Variants in KIF11 observed in about 807,000 individuals in gnomAD.
KIF11 encodes kinesin-like protein KIF11.
In KIF11, 9 loss-of-function variants were observed where a neutral mutation model predicts 121.0. The observed-to-expected ratio is 0.07, with a 90% CI of 0.04 to 0.13. The LOEUF (loss-of-function observed/expected upper bound fraction) is 0.13. Among genes scored for constraint, KIF11 ranks in the 10% least tolerant of loss-of-function variants. The probability of loss-of-function intolerance (pLI) is 1.00; values close to 1 mark genes in which losing one functional copy is unlikely to be tolerated. For synonymous variants in KIF11, 408 were observed against 421.0 expected, an observed-to-expected ratio of 0.97 and a Z score of 0.38; for missense variants, 846 against 1,217.5, an observed-to-expected ratio of 0.69 and a Z score of 4.54.
In KIF11 at chr10:92,643,870, T is replaced by G. The variant is rs1229126598; in HGVS notation, c.2268-1493T>G. Among the ~76,000 whole-genome samples the G allele has an allele frequency of 3.9e-5, 6 of 152,200 alleles. No homozygotes were observed. In the East Asian group the frequency reaches 1.2e-3, roughly 29 times the overall value. Reference sequence around the variant, plus strand: ...CTGTTGAACAGTGCTGTTCTGGAACTCTAGCTATCATTTATATATCCCTAC... The same window carrying G: ...CTGTTGAACAGTGCTGTTCTGGAACGCTAGCTATCATTTATATATCCCTAC... On this transcript the variant is annotated intron_variant, in intron 17 of 21. Coordinates refer to ENST00000260731, the MANE Select transcript of KIF11 (RefSeq NM_004523.4).
chr10:92,609,328 G>C (rs1327897930), intron 5 of KIF11, 57 bp from the exon 6 acceptor site: 2 of 1,569,148 alleles, frequency 1.3e-6, no homozygotes, highest in Admixed American at 3.5e-5. Flanking sequence ...GTGTGTGTGT[G>C]TGTGTGTGTG....
chr10:92,613,172 C>T lies in KIF11; in HGVS notation c.789+42C>T, dbSNP rs2135904936. ...ATACTACTGTTTCACTCTTAAACAC[C>T]TTATAGAGCAGCTTGAAATTTTGTC... is the stretch of plus-strand genomic sequence containing the variant. On this transcript the variant is annotated intron_variant, in intron 7 of 21. Coordinates refer to ENST00000260731, the MANE Select transcript of KIF11 (RefSeq NM_004523.4). This position sits in a 1 kb window ranked among gnomAD's most constrained non-coding sequence, Gnocchi z 4.2. 1.4e-6 allele frequency: 2 copies of T among 1,439,268 alleles called. No homozygotes were observed. The highest frequency in any genetic ancestry group is 1.9e-6 in the Non-Finnish European group (2 of 1,039,546). 89.2% of individuals were successfully genotyped at this position (1,439,268 alleles called of 1,614,324 possible). A position where few individuals can be genotyped will look rare whatever the true frequency, so the allele number is the denominator to read the frequency against.
At chr10:92,649,336 C>A (rs1844956059) in intron 19 of KIF11, among the ~76,000 whole-genome samples, 1 of 152,080 alleles carries the variant, frequency 6.6e-6, no homozygotes, top group Admixed American at 6.6e-5. Flanking sequence ...TGCGGTGGCT[C>A]ACACCTATAA....
chr10:92,646,611 G>A (rs1276404805), intron 18 of KIF11, among the ~76,000 whole-genome samples: 1 of 152,144 alleles, frequency 6.6e-6, no homozygotes, highest in Non-Finnish European at 1.5e-5. Flanking sequence ...AAAGATTTCT[G>A]AGGTTGTCAA....
At chr10:92,616,349 T>C (rs1457569006) in intron 8 of KIF11, among the ~76,000 whole-genome samples, 1 of 151,900 alleles carries the variant, frequency 6.6e-6, no homozygotes, top group Non-Finnish European at 1.5e-5. Flanking sequence ...AGGCACATAC[T>C]ACTATGCCCA....
intron 21 of KIF11, among the ~76,000 whole-genome samples, chr10:92,651,885 A>T (rs1844990262): frequency 6.6e-6 from 1 of 151,528 alleles, no homozygotes; most frequent in Non-Finnish European, 1.5e-5. Flanking sequence ...TGTGTGAAGG[A>T]AAAATTTCCT....
intron 10 of KIF11, 106 bp downstream of exon 10, chr10:92,621,579 C>G (rs1238993727): frequency 6.7e-6 from 4 of 600,218 alleles, no homozygotes; most frequent in Non-Finnish European, 8.5e-6. Context: ...ATATCCAGTG[C>G]CGATAAATAC....
chr10:92,603,517 A>G (rs1046277705), intron 1 of KIF11, among the ~76,000 whole-genome samples: 1 of 151,796 alleles, frequency 6.6e-6, no homozygotes, highest in Non-Finnish European at 1.5e-5. Flanking sequence ...TTTCTGGCTA[A>G]TTTTTGTATT....
intron 16 of KIF11, among the ~76,000 whole-genome samples, chr10:92,639,011 G>A (rs548092279): frequency 1.2e-4 from 19 of 152,268 alleles, no homozygotes; most frequent in Non-Finnish European, 2.6e-4. Context: ...TAAAATATGA[G>A]CAAAGATAAG....
At chr10:92,637,993 A>G (rs562054062) in intron 16 of KIF11, among the ~76,000 whole-genome samples, 8 of 152,286 alleles carry the variant, frequency 5.3e-5, no homozygotes, top group African/African-American at 1.9e-4. Flanking sequence ...AATCGATACA[A>G]CTTTTAATTC....
intron 14 of KIF11, among the ~76,000 whole-genome samples, chr10:92,634,465 T>A (rs1183695849): frequency 2.0e-5 from 3 of 149,956 alleles, no homozygotes; most frequent in African/African-American, 7.4e-5. Flanking sequence ...GTAGAGATGG[T>A]GTTTTACCAT....
At chr10:92,601,600 C>T (rs145713837) in intron 1 of KIF11, among the ~76,000 whole-genome samples, 86 of 136,444 alleles carry the variant, frequency 6.3e-4, no homozygotes, top group African/African-American at 2.1e-3. Flanking sequence ...GCATCCTTGT[C>T]TTGCTCCTGT....
rs1241204294 is a variant in KIF11, at chr10:92,651,983, T to TA, written c.3039+1469dup. Among the ~76,000 whole-genome samples the TA allele has an allele frequency of 1.1e-4, 13 of 117,160 alleles. No individual in the cohort carries two copies. The East Asian group carries it at 1.4e-3, about 13-fold the overall frequency. The allele number at this position is 117,160 out of a possible 152,430, so 76.9% of individuals were successfully genotyped here. On this transcript the variant is annotated intron_variant, in intron 21 of 21. Coordinates refer to ENST00000260731, the MANE Select transcript of KIF11 (RefSeq NM_004523.4). ...TACCTTTTTTTTTTTTTTTTTTTTT[T>TA]AAATATATATAGAGAGAGGGTCTTG...
intron 18 of KIF11, 145 bp downstream of exon 18, chr10:92,645,787 AGAT>A (rs1844912049): frequency 3.2e-6 from 2 of 621,714 alleles, no homozygotes; most frequent in African/African-American, 3.7e-5. Flanking sequence ...GTATGCTTAC[AGAT>A]GATCTCGTTT....
In KIF11 at chr10:92,601,446, C is replaced by T. The variant is rs1021273195; in HGVS notation, c.78-4819C>T. Among the ~76,000 whole-genome samples the T allele has an allele frequency of 4.0e-5, 6 of 150,374 alleles. No individual in the cohort carries two copies. In the South Asian group the frequency reaches 8.5e-4, roughly 21 times the overall value. ...GGCTGGTCTCGATCTCCTGACCTCG[C>T]GATCCGCCTGCCTCAGCCTTCCAAA... On this transcript the variant is annotated intron_variant, in intron 1 of 21. Coordinates refer to ENST00000260731, the MANE Select transcript of KIF11 (RefSeq NM_004523.4).
Position 92,606,606 on chromosome 10 carries a change from T to A in KIF11, c.211-13T>A. On this transcript the variant is annotated splice_polypyrimidine_tract_variant and intron_variant, in intron 2 of 21. Coordinates refer to ENST00000260731, the MANE Select transcript of KIF11 (RefSeq NM_004523.4). ...TTGAGGTTGATTTTTTTTTTTTTAA[T>A]TTTTTTCGTTAGGTGTTTGGAGCAT... 1.4e-6 allele frequency: 2 copies of A among 1,430,696 alleles called. No homozygotes were observed. The highest frequency in any genetic ancestry group is 2.2e-5 in the Admixed American group (1 of 45,106). 88.6% of individuals were successfully genotyped at this position (1,430,696 alleles called of 1,614,324 possible).
intron 9 of KIF11, among the ~76,000 whole-genome samples, chr10:92,618,546 T>G (rs1844583977): frequency 6.7e-6 from 1 of 149,296 alleles, no homozygotes; most frequent in Non-Finnish European, 1.5e-5. Context: ...CTCAGGAGGC[T>G]GAGACAGGAG....
At chr10:92,642,101 C>T (rs946685916) in intron 17 of KIF11, among the ~76,000 whole-genome samples, 6 of 151,920 alleles carry the variant, frequency 3.9e-5, no homozygotes, top group African/African-American at 1.2e-4. Flanking sequence ...AAATCCTTGC[C>T]AGACAATTCC....
At chr10:92,608,109 TAAAA>T (rs887302693) in intron 4 of KIF11, among the ~76,000 whole-genome samples, 1 of 146,314 alleles carries the variant, frequency 6.8e-6, no homozygotes, top group Non-Finnish European at 1.5e-5. Flanking sequence ...CTAGTTAATT[TAAAA>T]AAAAAAAGAA....
Sources: allele counts gnomAD v4.1 joint callset (sites outside exome capture counted in the v4.1 genomes callset), GRCh38; gene constraint gnomAD v4.1.1; non-coding constraint Gnocchi (gnomAD v3.1); transcripts MANE v1.5; gene names NCBI Gene and HGNC (gene_info 2026-07-23, HGNC 2026-07-21).